The following PRDM16 variants were observed in gnomAD, a reference collection of about 807,000 sequenced individuals.
PRDM16 encodes PR/SET domain 16.
A neutral mutation model predicts 110.6 loss-of-function variants in PRDM16; 23 were observed. That is an observed-to-expected ratio of 0.21 (90% CI 0.15 to 0.29). PRDM16 has a LOEUF of 0.29. PRDM16 is among the 10% of genes least tolerant of loss of function. The pLI is 1.00. For missense variants in PRDM16, 1,615 were observed against 1,794.3 expected (o/e 0.90, Z 1.81); for synonymous variants, 799 against 781.8 (o/e 1.02, Z -0.37).
At chr1:3,251,324 G>GTGGGGTGAGA (rs70938080) in intron 3 of PRDM16, among the ~76,000 whole-genome samples, 7 of 152,042 alleles carry the variant, frequency 4.6e-5, no homozygotes, top group African/African-American at 1.7e-4. Flanking sequence ...GTGGGGTGAG[G>GTGGGGTGAGA]GCGCAGCCGT....
At chr1:3,277,749 A>G (rs1387539287) in intron 3 of PRDM16, among the ~76,000 whole-genome samples, 3 of 126,784 alleles carry the variant, frequency 2.4e-5, no homozygotes, top group African/African-American at 5.3e-5. Context: ...ACGCACACGC[A>G]CACACATGCA....
At chr1:3,079,084 C>T (rs368872050) in intron 1 of PRDM16, among the ~76,000 whole-genome samples, 11 of 152,250 alleles carry the variant, frequency 7.2e-5, no homozygotes, top group Admixed American at 3.3e-4. Context: ...CTGTCTCCGA[C>T]GGCTCCGGGC....
In PRDM16 at chr1:3,186,660, G is replaced by C. The variant is rs575647735; in HGVS notation, c.387+186G>C. On this transcript the variant is annotated intron_variant, in intron 2 of 16. Transcript: ENST00000270722. The stretch of plus-strand genomic sequence containing the variant: ...TGATGCGACTCAGAAAGCATCAGAG[G>C]TCCTCGTGGGTGCCTGTCAGCCCTG... The C allele has an allele frequency of 6.4e-4, 341 of 536,670 alleles. 1 individual carries two copies. The highest frequency in any genetic ancestry group is 5.8e-3 in the African/African-American group (299 of 51,866). The allele number at this position is 536,670 out of a possible 1,614,324, so 33.2% of individuals were successfully genotyped here.
chr1:3,124,090 C>A (rs1483770022), intron 1 of PRDM16, among the ~76,000 whole-genome samples: 2 of 152,170 alleles, frequency 1.3e-5, no homozygotes, highest in Non-Finnish European at 2.9e-5. Context: ...CCCGTGAGAA[C>A]CCCCAAGAAC....
intron 3 of PRDM16, among the ~76,000 whole-genome samples, chr1:3,269,869 A>AGAGAATGACAGG (rs1417614403): frequency 3.4e-5 from 4 of 117,354 alleles, no homozygotes; most frequent in Admixed American, 9.1e-5. Flanking sequence ...GGAAAGTCCC[A>AGAGAATGACAGG]GAGGAGGAAA....
At position 3,426,008 on chromosome 1, in the gene PRDM16, G is replaced by T. The variant is rs764436502; in HGVS notation, c.3110-43G>T. 18 of 1,584,860 alleles carry T rather than the reference G, an allele frequency of 1.1e-5. No homozygotes were observed. The African/African-American group carries it at 2.0e-4, about 18-fold the overall frequency. On this transcript the variant is annotated intron_variant, in intron 13 of 16. Coordinates refer to ENST00000270722, the MANE Select transcript of PRDM16 (RefSeq NM_022114.4). ...GTTGGTTTGCCCCACGGAGGGAGGG[G>T]TCCAGCGAGAGGCCGCCCCCTGATG...
intron 5 of PRDM16, 67 bp from the exon 6 acceptor site, chr1:3,402,724 G>A: frequency 1.4e-6 from 2 of 1,440,190 alleles, no homozygotes; most frequent in Non-Finnish European, 1.9e-6. Context: ...CAGGTCTCCA[G>A]AGTCCCCTGA....
intron 3 of PRDM16, among the ~76,000 whole-genome samples, chr1:3,266,064 C>T (rs1479011267): frequency 6.6e-6 from 1 of 152,190 alleles, no homozygotes; most frequent in East Asian, 1.9e-4. Flanking sequence ...TGCGGCCGGT[C>T]GCTTAGTCAG....
intron 3 of PRDM16, among the ~76,000 whole-genome samples, chr1:3,291,360 C>T (rs1314598872): frequency 6.6e-6 from 1 of 152,184 alleles, no homozygotes; most frequent in Non-Finnish European, 1.5e-5. Context: ...CCCCTTCTGC[C>T]CCTGTGTTGC....
chr1:3,247,922 G>A (rs1639829211), intron 3 of PRDM16, among the ~76,000 whole-genome samples: 1 of 152,238 alleles, frequency 6.6e-6, no homozygotes, highest in African/African-American at 2.4e-5. Flanking sequence ...GGAAAGCCCG[G>A]GGGCTCCTGG....
rs4648455 is a variant in PRDM16 at position 3,208,527 on chromosome 1, G to A, written c.387+22053G>A. The A allele has an allele frequency of 0.13, 20,305 of 152,054 alleles. 1,611 individuals are homozygous for A. The highest frequency in any genetic ancestry group is 0.2 in the African/African-American group (8,413 of 41,458). The allele number at this position is 152,054 out of a possible 1,614,324, so 9.4% of individuals were successfully genotyped here. On this transcript the variant is annotated intron_variant, in intron 2 of 16. Coordinates refer to ENST00000270722, the MANE Select transcript of PRDM16 (RefSeq NM_022114.4). The surrounding 1 kb of genome is among the most constrained non-coding windows in gnomAD (Gnocchi z 6.1). ...CTAAAAATACAAAAATTAGCTGGAC[G>A]TGGTGGTGGGCACCTGTAATCCCAG...
intron 1 of PRDM16, among the ~76,000 whole-genome samples, chr1:3,162,173 G>A (rs921962634): frequency 1.3e-5 from 2 of 152,088 alleles, no homozygotes; most frequent in Non-Finnish European, 2.9e-5. Flanking sequence ...CAATATGCCC[G>A]GGCCACTGCG....
chr1:3,400,902 A>G (rs1015222859), intron 5 of PRDM16, among the ~76,000 whole-genome samples: 9 of 152,092 alleles, frequency 5.9e-5, no homozygotes, highest in African/African-American at 2.2e-4. Flanking sequence ...TCAGCCAGAT[A>G]CTTACCTCTG....
Position 3,208,889 on chromosome 1 carries a change from G to T in PRDM16, c.387+22415G>T, listed in dbSNP as rs1056287410. Reference sequence around the variant, plus strand: ...TCCAGAGGCCCCCCCAGGTCCCCACGAGTGGGTGGAAAGTCTTGGGGACAG... The same window carrying T: ...TCCAGAGGCCCCCCCAGGTCCCCACTAGTGGGTGGAAAGTCTTGGGGACAG... On this transcript the variant is annotated intron_variant, in intron 2 of 16. Coordinates refer to ENST00000270722, the MANE Select transcript of PRDM16 (RefSeq NM_022114.4). The surrounding 1 kb of genome is among the most constrained non-coding windows in gnomAD (Gnocchi z 6.1). 6.6e-6 allele frequency among the ~76,000 whole-genome samples: 1 copy of T among 152,116 alleles called. No homozygotes were observed. Among genetic ancestry groups the T allele is most frequent in the Non-Finnish European group, 1.5e-5 (1 of 68,024 alleles).
chr1:3,142,614 C>G (rs12123995), intron 1 of PRDM16, among the ~76,000 whole-genome samples: 10,034 of 152,232 alleles, frequency 0.066, 436 homozygotes, highest in East Asian at 0.12. Flanking sequence ...CAGGCTGCCA[C>G]TGCCGTGTAT....
intron 3 of PRDM16, among the ~76,000 whole-genome samples, chr1:3,374,141 C>T (rs2100583757): frequency 6.6e-6 from 1 of 152,334 alleles, no homozygotes; most frequent in East Asian, 1.9e-4. Context: ...GGGGTCCCAG[C>T]CGCTGACCGC....
At chr1:3,216,778 G>A (rs1279358759) in intron 2 of PRDM16, among the ~76,000 whole-genome samples, 1 of 152,206 alleles carries the variant, frequency 6.6e-6, no homozygotes. Flanking sequence ...ATTGCAGAGG[G>A]CGGGGCTGTG....
At chr1:3,195,796 C>T (rs61759180) in intron 2 of PRDM16, among the ~76,000 whole-genome samples, 14,942 of 152,248 alleles carry the variant, frequency 0.098, 835 homozygotes, top group East Asian at 0.21. Context: ...CAGGGTGCTC[C>T]GGAGCCTCCT....
chr1:3,198,378 T>A lies in PRDM16; in HGVS notation c.387+11904T>A, dbSNP rs186580342. On this transcript the variant is annotated intron_variant, in intron 2 of 16. Transcript: ENST00000270722. ...TGCGTGGCCTTGGCTGGGCCTTTCCTGTCGTTTGGGACATATGTGAGTAGA... is the reference window on the plus strand; with the variant it reads ...TGCGTGGCCTTGGCTGGGCCTTTCCAGTCGTTTGGGACATATGTGAGTAGA... 2.6e-3 allele frequency among the ~76,000 whole-genome samples: 391 copies of A among 152,364 alleles called. 2 individuals carry two copies. Among genetic ancestry groups the A allele is most frequent in the Non-Finnish European group, 3.9e-3 (264 of 68,034 alleles).
Sources: gnomAD v4.1 joint callset for allele counts (sites outside exome capture counted in the v4.1 genomes callset) on GRCh38, gnomAD v4.1.1 for gene constraint, Gnocchi (gnomAD v3.1) non-coding constraint, MANE v1.5 for transcripts, NCBI Gene and HGNC (gene_info 2026-07-23, HGNC 2026-07-21) for gene names.